The following CSF1R variants were observed in gnomAD, a reference collection of about 807,000 sequenced individuals.
The protein encoded by CSF1R is colony stimulating factor 1 receptor, also known as macrophage colony-stimulating factor 1 receptor.
In CSF1R, 40 loss-of-function variants were observed where a neutral mutation model predicts 110.0. The observed-to-expected ratio is 0.36, with a 90% CI of 0.28 to 0.47. CSF1R has a LOEUF of 0.47. CSF1R is among the 20% of genes least tolerant of loss of function. The pLI, the probability that CSF1R is intolerant of heterozygous loss-of-function variation, is 0.99. For missense variants in CSF1R, 1,052 were observed against 1,253.0 expected (o/e 0.84, Z 2.42); for synonymous variants, 523 against 503.4 (o/e 1.04, Z -0.52).
rs1423228852 is a variant in CSF1R, at chr5:150,086,411, A to G, written c.17T>C (p.Leu6Pro). 3 of 1,610,718 alleles carry G rather than the reference A, an allele frequency of 1.9e-6. No individual in the cohort carries two copies. The South Asian group carries it at 3.3e-5, about 18-fold the overall frequency. The change falls in exon 1 of 21, where the codon CTG becomes CCG. Residue 6 changes from leucine to proline, a missense_variant. Physicochemically the swap from Leu to Pro is moderately conservative, Grantham distance 98. Coordinates refer to ENST00000675795, the MANE Select transcript of CSF1R (RefSeq NM_001288705.3). MGPGV[L>P]LLLLVATAWH... ...AGCTGTGGCCACCAGCAGGAGCAGC[A>G]GAACTCCTGGGCCCATGGCCTCGGT...
chr5:150,112,105 G>A (rs776571684), intron 1 of CSF1R, among the ~76,000 whole-genome samples: 4 of 121,912 alleles, frequency 3.3e-5, no homozygotes, highest in Non-Finnish European at 4.9e-5. Context: ...TTACCCACCC[G>A]TTTCTGGCTA....
chr5:150,102,964 T>G (rs186805397), intron 1 of CSF1R, among the ~76,000 whole-genome samples: 1 of 152,360 alleles, frequency 6.6e-6, no homozygotes, highest in Admixed American at 6.5e-5. Context: ...TTTCATGTTT[T>G]GTTTAGGAAG....
intron 14 of CSF1R, chr5:150,058,397 G>A: frequency 2.3e-6 from 1 of 443,178 alleles, no homozygotes; most frequent in South Asian, 1.6e-5. Context: ...CTAGAGATGT[G>A]TACCTTGACA....
chr5:150,056,397 TGAG>T, intron 16 of CSF1R, 56 bp from the exon 17 acceptor site: 1 of 1,603,234 alleles, frequency 6.2e-7, no homozygotes, highest in Non-Finnish European at 8.5e-7. Flanking sequence ...GAGCCTGAGG[TGAG>T]GAGGATGGCA....
intron 1 of CSF1R, among the ~76,000 whole-genome samples, chr5:150,094,142 T>G (rs1292749903): frequency 6.6e-6 from 1 of 151,930 alleles, no homozygotes; most frequent in East Asian, 1.9e-4. Context: ...AGTAGCTGTA[T>G]TAATATCAGA....
intron 10 of CSF1R, 141 bp downstream of exon 10, chr5:150,068,074 G>A (rs1757853235): frequency 7.6e-6 from 5 of 656,712 alleles, no homozygotes; most frequent in Non-Finnish European, 1.3e-5. Context: ...GACTCATGTT[G>A]GCATACAGTA....
chr5:150,054,600 G>C, intron 19 of CSF1R, 170 bp from the exon 20 acceptor site: 1 of 587,998 alleles, frequency 1.7e-6, no homozygotes, highest in Non-Finnish European at 3.0e-6. Flanking sequence ...AATCCTCACA[G>C]TAACCCTTGC....
At chr5:150,086,325 G>C in intron 1 of CSF1R, 54 bp downstream of exon 1, 1 of 1,539,090 alleles carries the variant, frequency 6.5e-7, no homozygotes, top group Non-Finnish European at 8.8e-7. Context: ...CCTTTCACAG[G>C]GGTCTTCTCC....
chr5:150,054,292 GCCACCCACCCCAAGCCTCACC>G lies in CSF1R; in HGVS notation c.2763+9_2763+29del. On this transcript the variant is annotated intron_variant, in intron 20 of 20. Transcript: ENST00000675795. Reference sequence around the variant, plus strand: ...AGGCCCAGCCCAACGTGCTTTACCGGCCACCCACCCCAAGCCTCACCCCACTCACCCGCTCTCTCCTGTCCT... The same window carrying G: ...AGGCCCAGCCCAACGTGCTTTACCGGCCACTCACCCGCTCTCTCCTGTCCT... 1 of 1,613,946 alleles carries G rather than the reference GCCACCCACCCCAAGCCTCACC, an allele frequency of 6.2e-7. No individual in the cohort carries two copies. Among genetic ancestry groups the G allele is most frequent in the South Asian group, 1.1e-5 (1 of 91,046 alleles).
At chr5:150,076,706 TTC>T (rs1315332315) in intron 5 of CSF1R, among the ~76,000 whole-genome samples, 1 of 152,214 alleles carries the variant, frequency 6.6e-6, no homozygotes, top group African/African-American at 2.4e-5. Context: ...TGTTGTCAAG[TTC>T]TTTCAGTGTT....
At position 150,053,773 on chromosome 5, in the gene CSF1R, G is replaced by A; in HGVS notation, c.*296C>T. On this transcript the variant is annotated 3_prime_UTR_variant, in exon 21 of 21. Transcript: ENST00000675795. ...ATTTCCATGAAGATAAGGGGATTAG[G>A]AAAGAAGGTTCTACTAGTTGGCATA... 2.0e-6 allele frequency: 1 copy of A among 498,012 alleles called. No individual in the cohort carries two copies. Among genetic ancestry groups the A allele is most frequent in the East Asian group, 3.6e-5 (1 of 27,892 alleles). 30.8% of individuals were successfully genotyped at this position (498,012 alleles called of 1,614,324 possible).
At chr5:150,077,587 C>G in intron 4 of CSF1R, 152 bp from the exon 5 acceptor site, 3 of 831,028 alleles carry the variant, frequency 3.6e-6, no homozygotes, top group Non-Finnish European at 5.7e-6. Context: ...GGCTCCCTGC[C>G]CCAAGACTGT....
At chr5:150,072,660 G>C (rs1245498005) in intron 6 of CSF1R, among the ~76,000 whole-genome samples, 8 of 152,068 alleles carry the variant, frequency 5.3e-5, no homozygotes, top group Non-Finnish European at 1.5e-5. Flanking sequence ...TTCACAAGCA[G>C]ACAGGAAAAA....
At chr5:150,109,124 C>T (rs562124350) in intron 1 of CSF1R, among the ~76,000 whole-genome samples, 2 of 151,416 alleles carry the variant, frequency 1.3e-5, no homozygotes, top group Admixed American at 6.6e-5. Context: ...CCCCTGACCC[C>T]AGGGCTCAGC....
In CSF1R at chr5:150,068,312, G is replaced by T; in HGVS notation, c.1529C>A (p.Pro510Gln). 6.2e-7 allele frequency: 1 copy of T among 1,612,432 alleles called. No homozygotes were observed. Among genetic ancestry groups the T allele is most frequent in the Non-Finnish European group, 8.5e-7 (1 of 1,179,634 alleles). ...CACTGGTGTGAAGAGGAACTCATCC[G>T]GGGGATGCGTGTGGGCTCCTGGAAG... ...PISAGAHTHP[P>Q]DEFLFTPVVV... is the part of the protein sequence containing the mutation. The change falls in exon 10 of 21, where the codon CCG becomes CAG. Residue 510 changes from proline to glutamine, a missense_variant. This residue lies in a region of CSF1R where 693 missense variants were observed against 735.4 expected (regional missense o/e 0.94). Transcript: ENST00000675795.
At chr5:150,102,672 G>A (rs1759441898) in intron 1 of CSF1R, among the ~76,000 whole-genome samples, 1 of 152,150 alleles carries the variant, frequency 6.6e-6, no homozygotes, top group Non-Finnish European at 1.5e-5. Flanking sequence ...TAGAAGTGGG[G>A]TTTCACCATG....
At chr5:150,094,504 A>C in intron 1 of CSF1R, 1 of 1,600,094 alleles carries the variant, frequency 6.2e-7, no homozygotes, top group Admixed American at 1.7e-5. Context: ...TACAGGACTG[A>C]AATTCGAATG....
intron 1 of CSF1R, among the ~76,000 whole-genome samples, chr5:150,081,874 C>T (rs1035413250): frequency 2.0e-5 from 3 of 152,170 alleles, no homozygotes; most frequent in Admixed American, 6.5e-5. Context: ...GAAGAAGGCC[C>T]GTTGCCTCTG....
At chr5:150,087,456 G>A (rs1033780315), upstream of CSF1R, among the ~76,000 whole-genome samples, 1 of 152,162 alleles carries the variant, frequency 6.6e-6, no homozygotes, top group Admixed American at 6.5e-5. Flanking sequence ...AAAGCTCAGA[G>A]AGATCAAATG....
Sources: allele counts gnomAD v4.1 joint callset (sites outside exome capture counted in the v4.1 genomes callset), GRCh38; gene constraint gnomAD v4.1.1; regional missense constraint gnomAD v4.1.1; transcripts MANE v1.5; gene names NCBI Gene and HGNC (gene_info 2026-07-23, HGNC 2026-07-21).